The following PTPRK variants were observed in gnomAD, a reference collection of about 807,000 sequenced individuals.
The protein encoded by PTPRK is protein tyrosine phosphatase receptor type K.
In PTPRK, 75 loss-of-function variants were observed where a neutral mutation model predicts 178.0. The observed-to-expected ratio is 0.42, with a 90% CI of 0.35 to 0.51. PTPRK has a LOEUF of 0.51. Ranked by LOEUF, PTPRK falls within the 20% of genes least tolerant of loss-of-function variation. The pLI is 0.02. For synonymous variants in PTPRK, 637 were observed against 620.6 expected (o/e 1.03, Z -0.39); for missense variants, 1,441 against 1,797.8 (o/e 0.80, Z 3.59).
chr6:128,154,670 A>C (rs1429306271), intron 7 of PTPRK, among the ~76,000 whole-genome samples: 1 of 151,714 alleles, frequency 6.6e-6, no homozygotes, highest in Non-Finnish European at 1.5e-5. Flanking sequence ...TTACTTCATC[A>C]AAGAGGAAAT....
intron 7 of PTPRK, among the ~76,000 whole-genome samples, chr6:128,168,213 T>A: frequency 6.6e-6 from 1 of 152,206 alleles, no homozygotes; most frequent in East Asian, 1.9e-4. Context: ...AATTCTTTCT[T>A]GCATTTTGAT....
intron 6 of PTPRK, among the ~76,000 whole-genome samples, chr6:128,186,928 T>C (rs1040544486): frequency 2.0e-5 from 3 of 152,154 alleles, no homozygotes; most frequent in East Asian, 3.9e-4. Flanking sequence ...AGTTGCCTCA[T>C]ATGTGCAATA....
chr6:128,134,789 G>T (rs1562647361), intron 7 of PTPRK, among the ~76,000 whole-genome samples: 1 of 152,132 alleles, frequency 6.6e-6, no homozygotes, highest in Non-Finnish European at 1.5e-5. Context: ...GGGTGACAGA[G>T]TAAGACCCTA....
intron 2 of PTPRK, among the ~76,000 whole-genome samples, chr6:128,362,135 G>T (rs1033753517): frequency 1.3e-5 from 2 of 152,210 alleles, no homozygotes; most frequent in Non-Finnish European, 2.9e-5. Flanking sequence ...CGGAAGCATG[G>T]TGCTGAGCAT....
chr6:128,119,732 A>G (rs908454959), intron 7 of PTPRK, among the ~76,000 whole-genome samples: 1 of 152,080 alleles, frequency 6.6e-6, no homozygotes, highest in Non-Finnish European at 1.5e-5. Context: ...AAGGTTAAGT[A>G]TAATGGAAAA....
At chr6:128,255,448 T>TCC (rs1324021967) in intron 3 of PTPRK, among the ~76,000 whole-genome samples, 2 of 152,298 alleles carry the variant, frequency 1.3e-5, no homozygotes, top group East Asian at 3.9e-4. Context: ...ACCAAGTGCC[T>TCC]CCTTTAATAA....
intron 3 of PTPRK, among the ~76,000 whole-genome samples, chr6:128,301,183 A>G (rs146722353): frequency 1.3e-5 from 2 of 152,156 alleles, no homozygotes; most frequent in Non-Finnish European, 2.9e-5. Context: ...CACTATTTCT[A>G]TTTTTAATAA....
intron 7 of PTPRK, among the ~76,000 whole-genome samples, chr6:128,175,663 T>G (rs889550209): frequency 1.3e-5 from 2 of 151,804 alleles, no homozygotes; most frequent in African/African-American, 4.8e-5. Flanking sequence ...AAAATAATAG[T>G]GCATTGACAA....
intron 3 of PTPRK, among the ~76,000 whole-genome samples, chr6:128,300,109 A>G (rs1176063771): frequency 2.0e-5 from 3 of 152,208 alleles, no homozygotes; most frequent in Non-Finnish European, 4.4e-5. Flanking sequence ...GCAGCCAAAA[A>G]CACGTGAAAA....
At chr6:128,251,364 C>T (rs905970669) in intron 3 of PTPRK, among the ~76,000 whole-genome samples, 7 of 152,084 alleles carry the variant, frequency 4.6e-5, no homozygotes, top group African/African-American at 1.7e-4. Context: ...TATAATCAAG[C>T]CCAAATCGAT....
At chr6:128,312,715 G>A (rs910476333) in intron 3 of PTPRK, among the ~76,000 whole-genome samples, 2 of 151,700 alleles carry the variant, frequency 1.3e-5, no homozygotes, top group Admixed American at 1.3e-4. Context: ...TTGTCTTAGT[G>A]GACTTTATAT....
At chr6:128,325,885 C>A (rs576124721) in intron 2 of PTPRK, among the ~76,000 whole-genome samples, 1 of 152,240 alleles carries the variant, frequency 6.6e-6, no homozygotes, top group African/African-American at 2.4e-5. Context: ...TTTACTGCAG[C>A]ACTATTCACA....
chr6:128,464,647 A>ATATATGTATATG (rs1554271889), intron 1 of PTPRK, among the ~76,000 whole-genome samples: 3 of 93,032 alleles, frequency 3.2e-5, no homozygotes, highest in African/African-American at 1.6e-4. Flanking sequence ...ACATATATAT[A>ATATATGTATATG]TATATATATA....
At chr6:128,445,244 CTATA>C (rs1846839002) in intron 1 of PTPRK, among the ~76,000 whole-genome samples, 1 of 141,110 alleles carries the variant, frequency 7.1e-6, no homozygotes, top group Non-Finnish European at 1.5e-5. Flanking sequence ...AGTATAAATA[CTATA>C]TATAATTTAT....
Position 128,219,016 on chromosome 6 carries a change from T to C in PTPRK, c.774A>G (p.Gln258=), listed in dbSNP as rs1287842139. Residue 258 remains glutamine (Q), a synonymous_variant, in exon 6 of 30, where the codon CAA becomes CAG. Coordinates refer to ENST00000368226, the MANE Select transcript of PTPRK (RefSeq NM_002844.4). ...HRRFAASFRL[Q]EVTKTDQDLY... ...AATCCTGGTCAGTTTTTGTCACTTC[T>C]TGCAATCTGAAGGAAGCGGCAAACC... 2 of 1,614,004 alleles carry C rather than the reference T, an allele frequency of 1.2e-6. No individual in the cohort carries two copies. The highest frequency in any genetic ancestry group is 2.7e-5 in the African/African-American group (2 of 75,046).
intron 3 of PTPRK, chr6:128,321,618 A>G: frequency 1.8e-6 from 1 of 566,540 alleles, no homozygotes; most frequent in Non-Finnish European, 3.1e-6. Context: ...CCCAAATGTT[A>G]CTTTCAAAAA....
At chr6:128,359,279 C>T (rs1287261109) in intron 2 of PTPRK, among the ~76,000 whole-genome samples, 2 of 147,254 alleles carry the variant, frequency 1.4e-5, no homozygotes, top group African/African-American at 5.0e-5. Flanking sequence ...GGAAAAACCC[C>T]ATCTGGGATT....
intron 13 of PTPRK, among the ~76,000 whole-genome samples, chr6:128,015,534 T>C (rs774665222): frequency 1.3e-5 from 2 of 151,682 alleles, no homozygotes; most frequent in Non-Finnish European, 3.0e-5. Flanking sequence ...AGATTTATCC[T>C]ACATATTACT....
chr6:128,307,160 A>AAATATATAT (rs5879886), intron 3 of PTPRK, among the ~76,000 whole-genome samples: 1 of 142,344 alleles, frequency 7.0e-6, no homozygotes, highest in African/African-American at 2.7e-5. Flanking sequence ...AAGAAAAAAA[A>AAATATATAT]ATATATATAT....
Sources: allele counts gnomAD v4.1 joint callset (sites outside exome capture counted in the v4.1 genomes callset), GRCh38; gene constraint gnomAD v4.1.1; transcripts MANE v1.5; gene names NCBI Gene and HGNC (gene_info 2026-07-23, HGNC 2026-07-21).